Variants in CEP85L observed in about 807,000 individuals in gnomAD.
The protein encoded by CEP85L is centrosomal protein of 85 kDa-like.
A neutral mutation model predicts 100.3 loss-of-function variants in CEP85L; 60 were observed. The observed-to-expected ratio is 0.60, with a 90% CI of 0.49 to 0.74. CEP85L has a LOEUF of 0.74. Ranked by LOEUF, CEP85L falls within the 30% of genes least tolerant of loss-of-function variation. The pLI is 0.00. For missense variants in CEP85L, 973 were observed against 936.2 expected, an observed-to-expected ratio of 1.04 and a Z score of -0.51; for synonymous variants, 319 against 322.7, an observed-to-expected ratio of 0.99 and a Z score of 0.12.
At chr6:118,622,208 T>A (rs1773491370) in intron 2 of CEP85L, among the ~76,000 whole-genome samples, 1 of 152,244 alleles carries the variant, frequency 6.6e-6, no homozygotes, top group South Asian at 2.1e-4. Context: ...TCTCACTGTC[T>A]GGACTACTCA....
chr6:118,482,131 C>A (rs555798176), intron 7 of CEP85L, among the ~76,000 whole-genome samples, 198 bp from the exon 8 acceptor site: 1 of 151,168 alleles, frequency 6.6e-6, no homozygotes, highest in East Asian at 1.9e-4. Flanking sequence ...AACAGAATTA[C>A]AAGGAAGAGA....
intron 1 of CEP85L, among the ~76,000 whole-genome samples, chr6:118,691,296 G>T (rs1183441626): frequency 1.3e-5 from 2 of 151,990 alleles, no homozygotes; most frequent in Admixed American, 6.6e-5. Flanking sequence ...ACTTTGGGAG[G>T]CCAAGGCGGG....
intron 2 of CEP85L, chr6:118,589,211 T>G (rs1275623034): frequency 4.3e-6 from 1 of 231,962 alleles, no homozygotes; most frequent in East Asian, 1.1e-4. Context: ...GAAAATCACC[T>G]ATGTGTATAT....
chr6:118,614,681 T>C (rs1029754759), intron 2 of CEP85L, among the ~76,000 whole-genome samples: 1 of 152,056 alleles, frequency 6.6e-6, no homozygotes, highest in Non-Finnish European at 1.5e-5. Flanking sequence ...CCGTCTCTAT[T>C]GAAAATAAAA....
chr6:118,563,890 A>C (rs1412615810), intron 3 of CEP85L, among the ~76,000 whole-genome samples: 1 of 152,206 alleles, frequency 6.6e-6, no homozygotes, highest in Non-Finnish European at 1.5e-5. Flanking sequence ...TTAGAAGGGA[A>C]GCAGTCATTT....
At chr6:118,473,652 G>A (rs1243441711) in intron 10 of CEP85L, among the ~76,000 whole-genome samples, 1 of 152,156 alleles carries the variant, frequency 6.6e-6, no homozygotes, top group African/African-American at 2.4e-5. Context: ...TTAACCTAAT[G>A]AGAGTATACT....
chr6:118,631,887 T>C (rs1774178070), intron 2 of CEP85L, among the ~76,000 whole-genome samples: 1 of 152,238 alleles, frequency 6.6e-6, no homozygotes, highest in Admixed American at 6.5e-5. Flanking sequence ...GTCAATACCC[T>C]GGTTACAACA....
intron 3 of CEP85L, among the ~76,000 whole-genome samples, chr6:118,534,894 C>A (rs565659666): frequency 1.3e-4 from 19 of 151,946 alleles, no homozygotes; most frequent in Non-Finnish European, 2.5e-4. Flanking sequence ...GTGGTGCACA[C>A]CTGTAATCCC....
upstream of CEP85L, chr6:118,652,746 C>A: frequency 6.5e-7 from 1 of 1,542,642 alleles, no homozygotes; most frequent in Admixed American, 2.0e-5. Flanking sequence ...CATTTAGTCT[C>A]CCTGTGGTAG....
intron 3 of CEP85L, among the ~76,000 whole-genome samples, chr6:118,539,770 C>G (rs1777804363): frequency 6.6e-6 from 1 of 152,054 alleles, no homozygotes; most frequent in African/African-American, 2.4e-5. Context: ...AAAGAAACTA[C>G]TAAAGGGAGC....
chr6:118,501,052 C>T lies in CEP85L; in HGVS notation c.1258-9187G>A, dbSNP rs146306457. ...TCTCTCCTTTCTTTCTCTTTTTCCA[C>T]TTTCTGTCCTTGTGTTTGTCATGAT... On this transcript the variant is annotated intron_variant, in intron 5 of 12. Coordinates refer to ENST00000368491, the MANE Select transcript of CEP85L (RefSeq NM_001042475.3). Among the ~76,000 whole-genome samples the T allele has an allele frequency of 2.7e-3, 412 of 152,276 alleles. 3 individuals are homozygous for T. Among genetic ancestry groups the T allele is most frequent in the Non-Finnish European group, 4.5e-3 (303 of 68,020 alleles).
chr6:118,686,145 A>G (rs6937176), intron 1 of CEP85L, among the ~76,000 whole-genome samples: 55,448 of 151,798 alleles, frequency 0.37, 10,354 homozygotes, highest in Middle Eastern at 0.42. Context: ...GTCTGTGGAG[A>G]TGGAGGGTCC....
chr6:118,690,672 T>C (rs1452222583), intron 1 of CEP85L, among the ~76,000 whole-genome samples: 1 of 152,182 alleles, frequency 6.6e-6, no homozygotes, highest in African/African-American at 2.4e-5. Flanking sequence ...TGCCAAAATA[T>C]GGGGAATTTT....
At chr6:118,611,917 C>T (rs7762990) in intron 2 of CEP85L, among the ~76,000 whole-genome samples, 102,791 of 152,014 alleles carry the variant, frequency 0.68, 35,453 homozygotes, top group Middle Eastern at 0.74. Flanking sequence ...TCAAACACTC[C>T]TCTTTCAACA....
chr6:118,573,913 A>C (rs942324458), intron 2 of CEP85L: 15 of 152,352 alleles, frequency 9.8e-5, no homozygotes, highest in African/African-American at 3.6e-4. Context: ...AATTCATAAA[A>C]GAAATCTTCA....
chr6:118,679,819 T>A (rs1245847334), intron 1 of CEP85L, among the ~76,000 whole-genome samples: 1 of 151,812 alleles, frequency 6.6e-6, no homozygotes, highest in African/African-American at 2.4e-5. Context: ...GAAATCACAT[T>A]TTTTTTTAAC....
At chr6:118,469,025 T>C (rs1772739729) in intron 12 of CEP85L, 47 bp downstream of exon 12, 6 of 1,286,908 alleles carry the variant, frequency 4.7e-6, no homozygotes, top group African/African-American at 1.5e-5. Flanking sequence ...TTCATGAAGA[T>C]AGGTTTCTAA....
intron 3 of CEP85L, among the ~76,000 whole-genome samples, chr6:118,547,194 A>G (rs972955513): frequency 1.3e-5 from 2 of 152,150 alleles, no homozygotes; most frequent in Non-Finnish European, 2.9e-5. Flanking sequence ...TGACTTAAGT[A>G]AATCTAACAT....
intron 1 of CEP85L, among the ~76,000 whole-genome samples, chr6:118,668,680 A>G (rs558278588): frequency 3.9e-5 from 6 of 152,380 alleles, no homozygotes; most frequent in East Asian, 1.9e-4. Context: ...AAATGAAATC[A>G]TAGTTGAAAA....
Sources: allele counts gnomAD v4.1 joint callset (sites outside exome capture counted in the v4.1 genomes callset), GRCh38; gene constraint gnomAD v4.1.1; transcripts MANE v1.5; gene names NCBI Gene and HGNC (gene_info 2026-07-23, HGNC 2026-07-21).